The following UST variants were observed in gnomAD, a reference collection of about 807,000 sequenced individuals.
UST encodes chondroitin sulfate 2-O-sulfotransferase.
Under a neutral mutation model 45.6 loss-of-function variants are expected in UST, and 21 were observed. That is an observed-to-expected ratio of 0.46 (90% CI 0.33 to 0.66). The LOEUF (loss-of-function observed/expected upper bound fraction) is 0.66, where lower values mean the gene tolerates loss of function less well. UST is among the 30% of genes least tolerant of loss of function. The probability of loss-of-function intolerance (pLI) is 0.02; values close to 1 mark genes in which losing one functional copy is unlikely to be tolerated. For synonymous variants in UST, 215 were observed against 200.6 expected, an observed-to-expected ratio of 1.07 and a Z score of -0.61; for missense variants, 463 against 512.4, an observed-to-expected ratio of 0.90 and a Z score of 0.93.
At chr6:148,998,581 C>T (rs1015367230) in intron 5 of UST, among the ~76,000 whole-genome samples, 27 of 152,190 alleles carry the variant, frequency 1.8e-4, no homozygotes, top group African/African-American at 6.5e-4. Context: ...GCAGTGCATT[C>T]ATATAATATC....
chr6:148,817,443 C>T (rs1777377669), intron 1 of UST, among the ~76,000 whole-genome samples: 1 of 152,092 alleles, frequency 6.6e-6, no homozygotes, highest in African/African-American at 2.4e-5. Context: ...GAACACGTGC[C>T]CAAGGTGGTC....
At position 149,026,425 on chromosome 6, in the gene UST, AT is replaced by A. The variant is rs150948045; in HGVS notation, c.937+4947del. Among the ~76,000 whole-genome samples, 464 of 152,336 alleles carry A rather than the reference AT, an allele frequency of 3.0e-3. 5 individuals are homozygous for A. The highest frequency in any genetic ancestry group is 0.011 in the African/African-American group (443 of 41,588). ...TGTAAGTAAGGGGCAAGACTCACATATTTCTGAGCAGTGAATATTAATGTAT... is the reference window on the plus strand; with the variant it reads ...TGTAAGTAAGGGGCAAGACTCACATATTCTGAGCAGTGAATATTAATGTAT... On this transcript the variant is annotated intron_variant, in intron 7 of 7. Transcript: ENST00000367463.
chr6:149,055,750 G>T (rs970443434), intron 7 of UST, among the ~76,000 whole-genome samples: 1 of 152,180 alleles, frequency 6.6e-6, no homozygotes, highest in Non-Finnish European at 1.5e-5. Flanking sequence ...GGGGAAGGCT[G>T]GTGGTTAATG....
At chr6:148,809,966 T>C (rs985980003) in intron 1 of UST, among the ~76,000 whole-genome samples, 1 of 152,200 alleles carries the variant, frequency 6.6e-6, no homozygotes, top group Non-Finnish European at 1.5e-5. Flanking sequence ...AGAAAGTTGG[T>C]ATCAATTTGA....
chr6:148,799,272 G>A (rs961169788), intron 1 of UST, among the ~76,000 whole-genome samples: 6 of 152,200 alleles, frequency 3.9e-5, no homozygotes, highest in African/African-American at 7.2e-5. Context: ...TAGCGTGGTC[G>A]CACACTAGAA....
chr6:148,915,398 A>G (rs1158096243), intron 2 of UST, among the ~76,000 whole-genome samples: 2 of 152,122 alleles, frequency 1.3e-5, no homozygotes, highest in Non-Finnish European at 2.9e-5. Context: ...TCTAGCCATC[A>G]TATCTGCTTC....
chr6:148,905,237 C>G (rs554304664), intron 2 of UST, among the ~76,000 whole-genome samples: 1 of 152,170 alleles, frequency 6.6e-6, no homozygotes, highest in Non-Finnish European at 1.5e-5. Context: ...CTTCTCTCTT[C>G]CCTGGTCCCT....
At chr6:149,069,259 T>C (rs1776785926) in intron 7 of UST, among the ~76,000 whole-genome samples, 1 of 152,206 alleles carries the variant, frequency 6.6e-6, no homozygotes, top group South Asian at 2.1e-4. Context: ...GATAGATACA[T>C]AGTAGAAGGG....
chr6:148,905,392 C>A (rs567821559), intron 2 of UST, among the ~76,000 whole-genome samples: 1 of 152,184 alleles, frequency 6.6e-6, no homozygotes, highest in African/African-American at 2.4e-5. Context: ...TAGGCTCACA[C>A]CCTCATCTTG....
intron 2 of UST, among the ~76,000 whole-genome samples, chr6:148,905,599 T>G (rs955772830): frequency 6.6e-6 from 1 of 152,204 alleles, no homozygotes; most frequent in African/African-American, 2.4e-5. Flanking sequence ...CTGTACTAGC[T>G]GTGTGGGACA....
chr6:149,011,056 C>T, intron 5 of UST, among the ~76,000 whole-genome samples: 1 of 138,398 alleles, frequency 7.2e-6, no homozygotes, highest in East Asian at 2.0e-4. Flanking sequence ...TTAAGAGCTC[C>T]ACTGGACTAG....
At chr6:148,796,401 A>C (rs1214603906) in intron 1 of UST, among the ~76,000 whole-genome samples, 1 of 152,112 alleles carries the variant, frequency 6.6e-6, no homozygotes, top group Non-Finnish European at 1.5e-5. Context: ...TGAGGCAGGC[A>C]GATCACAAGG....
At chr6:149,015,207 T>C (rs184529764) in intron 5 of UST, among the ~76,000 whole-genome samples, 1 of 152,292 alleles carries the variant, frequency 6.6e-6, no homozygotes, top group Non-Finnish European at 1.5e-5. Context: ...GATTTTGCTG[T>C]AAGATCAGAA....
At chr6:148,831,404 T>A (rs1777685219) in intron 1 of UST, among the ~76,000 whole-genome samples, 1 of 152,220 alleles carries the variant, frequency 6.6e-6, no homozygotes, top group Admixed American at 6.5e-5. Context: ...ATTCGCCTTA[T>A]AGTTTAGTTT....
intron 1 of UST, among the ~76,000 whole-genome samples, chr6:148,839,313 C>T (rs1017123236): frequency 6.6e-6 from 1 of 152,182 alleles, no homozygotes; most frequent in African/African-American, 2.4e-5. Context: ...CTTTAACCCT[C>T]TGAGGAAAGT....
In UST at chr6:148,886,993, C is replaced by T. The variant is rs774737794; in HGVS notation, c.255C>T (p.Ser85=). The part of the protein sequence containing the change: ...LLDLRQYLGN[S]TYLDDHGPPP... ...TTTTCCTTTATTTTCTAGGAAATTC[C>T]ACTTACTTGGATGACCATGGACCAC... The change falls in exon 2 of 8, where the codon TCC becomes TCT. Residue 85 remains serine (S), a synonymous_variant. Coordinates refer to ENST00000367463, the MANE Select transcript of UST (RefSeq NM_005715.3). 1 of 1,612,214 alleles carries T rather than the reference C, an allele frequency of 6.2e-7. No homozygotes were observed. Among genetic ancestry groups the T allele is most frequent in the South Asian group, 1.1e-5 (1 of 90,424 alleles).
At chr6:148,797,369 T>G (rs1160785708) in intron 1 of UST, among the ~76,000 whole-genome samples, 1 of 152,248 alleles carries the variant, frequency 6.6e-6, no homozygotes, top group Non-Finnish European at 1.5e-5. Flanking sequence ...CACTATTTTA[T>G]ATGCTGCTTT....
At chr6:148,838,919 T>A (rs1382556382) in intron 1 of UST, among the ~76,000 whole-genome samples, 3 of 152,192 alleles carry the variant, frequency 2.0e-5, no homozygotes, top group Non-Finnish European at 4.4e-5. Flanking sequence ...GCAGGTCCCC[T>A]GAATTGTTCT....
At chr6:148,990,470 T>C (rs1781327254) in intron 5 of UST, 3 of 884,762 alleles carry the variant, frequency 3.4e-6, no homozygotes, top group Non-Finnish European at 4.1e-6. Context: ...TTGACCTCTT[T>C]AACGTGACAC....
Sources: allele counts gnomAD v4.1 joint callset (sites outside exome capture counted in the v4.1 genomes callset), GRCh38; gene constraint gnomAD v4.1.1; transcripts MANE v1.5; gene names NCBI Gene and HGNC (gene_info 2026-07-23, HGNC 2026-07-21).